The following ADAMTS12 variants were observed in gnomAD, a reference collection of about 807,000 sequenced individuals.
ADAMTS12 encodes the protein ADAM metallopeptidase with thrombospondin type 1 motif 12, also known as A disintegrin and metalloproteinase with thrombospondin motifs 12.
A neutral mutation model predicts 167.8 loss-of-function variants in ADAMTS12; 118 were observed. The ratio of observed to expected loss-of-function variants is 0.70; its 90% CI spans 0.61 to 0.82. The LOEUF (loss-of-function observed/expected upper bound fraction) is 0.82, where lower values mean the gene tolerates loss of function less well. Ranked by LOEUF, ADAMTS12 falls within the 40% of genes least tolerant of loss-of-function variation. ADAMTS12 has a pLI of 0.00. For synonymous variants in ADAMTS12, 704 were observed against 716.9 expected, an observed-to-expected ratio of 0.98 and a Z score of 0.29; for missense variants, 1,916 against 1,998.8, an observed-to-expected ratio of 0.96 and a Z score of 0.79.
chr5:33,555,626 A>C (rs1217100395), intron 20 of ADAMTS12, among the ~76,000 whole-genome samples: 1 of 152,192 alleles, frequency 6.6e-6, no homozygotes, highest in Non-Finnish European at 1.5e-5. Flanking sequence ...GTAGTGTTTC[A>C]TTTCTTTCTG....
At position 33,692,379 on chromosome 5, in the gene ADAMTS12, T is replaced by C. The variant is rs558149617; in HGVS notation, c.635-8324A>G. On this transcript the variant is annotated intron_variant, in intron 3 of 23. Transcript: ENST00000504830. ...CAATAGAAGGAGCCTGGGTTCCTGA[T>C]TGTGGAGATAAAACCTGGGATGTTT... Among the ~76,000 whole-genome samples the C allele has an allele frequency of 5.9e-5, 9 of 152,356 alleles. No homozygotes were observed. The Middle Eastern group carries it at 0.01, about 173-fold the overall frequency.
chr5:33,779,850 T>G (rs371477720), intron 2 of ADAMTS12, among the ~76,000 whole-genome samples: 12 of 152,164 alleles, frequency 7.9e-5, no homozygotes, highest in African/African-American at 2.9e-4. Flanking sequence ...TCAAAGGGTA[T>G]GAAGTTTCAG....
intron 2 of ADAMTS12, among the ~76,000 whole-genome samples, chr5:33,835,949 CTCTCTGTGTGTG>C (rs1366491245): frequency 0.04 from 1,701 of 42,316 alleles, 125 homozygotes; most frequent in African/African-American, 0.11. Flanking sequence ...CTCTCTCTCT[CTCTCTGTGTGTG>C]TGTGTGTGTC....
At chr5:33,698,121 A>ATAGC (rs1196674098) in intron 3 of ADAMTS12, among the ~76,000 whole-genome samples, 1 of 152,248 alleles carries the variant, frequency 6.6e-6, no homozygotes, top group Admixed American at 6.5e-5. Context: ...AGAAGAATGA[A>ATAGC]CGTCTGGCTT....
intron 16 of ADAMTS12, among the ~76,000 whole-genome samples, chr5:33,606,322 C>A (rs1411234150): frequency 3.3e-5 from 5 of 152,132 alleles, no homozygotes; most frequent in African/African-American, 9.7e-5. Context: ...AGAAAGAGAG[C>A]CATGGGACCA....
chr5:33,707,389 A>G (rs1214235849), intron 3 of ADAMTS12, among the ~76,000 whole-genome samples: 2 of 152,218 alleles, frequency 1.3e-5, no homozygotes, highest in East Asian at 3.9e-4. Flanking sequence ...AAAGTAATTT[A>G]TAGATTTAAT....
intron 9 of ADAMTS12, 26 bp downstream of exon 9, chr5:33,648,796 A>C: frequency 6.2e-7 from 1 of 1,613,742 alleles, no homozygotes; most frequent in African/African-American, 1.3e-5. Flanking sequence ...GAAGCCCTGC[A>C]TATAGCCACC....
intron 20 of ADAMTS12, among the ~76,000 whole-genome samples, chr5:33,559,418 A>G (rs569427471): frequency 1.3e-5 from 2 of 152,340 alleles, no homozygotes; most frequent in African/African-American, 4.8e-5. Flanking sequence ...AGAACTGGTT[A>G]AGCCCTAGTC....
At chr5:33,848,728 T>C (rs1428730051) in intron 2 of ADAMTS12, among the ~76,000 whole-genome samples, 2 of 152,134 alleles carry the variant, frequency 1.3e-5, no homozygotes. Flanking sequence ...GCAGAAGTAT[T>C]TTGAGTGTCT....
intron 1 of ADAMTS12, among the ~76,000 whole-genome samples, chr5:33,889,076 G>A (rs752062273): frequency 4.6e-5 from 7 of 152,072 alleles, no homozygotes; most frequent in East Asian, 3.9e-4. Flanking sequence ...TACCCTCCTC[G>A]TGAAGGGGCA....
At chr5:33,598,476 G>A in intron 16 of ADAMTS12, among the ~76,000 whole-genome samples, 1 of 152,158 alleles carries the variant, frequency 6.6e-6, no homozygotes, top group East Asian at 1.9e-4. Flanking sequence ...ACACATCACT[G>A]GGTTTAGTCT....
intron 2 of ADAMTS12, among the ~76,000 whole-genome samples, chr5:33,760,923 G>A (rs913778874): frequency 3.4e-5 from 5 of 145,758 alleles, no homozygotes; most frequent in South Asian, 2.2e-4. Context: ...GTGTGTGTGC[G>A]TATGCGCTTC....
At chr5:33,664,841 A>G (rs996588229) in intron 5 of ADAMTS12, among the ~76,000 whole-genome samples, 5 of 152,192 alleles carry the variant, frequency 3.3e-5, no homozygotes, top group Non-Finnish European at 5.9e-5. Context: ...GATACCTGCC[A>G]TGTTCACTGC....
chr5:33,594,186 A>C (rs1747792823), intron 17 of ADAMTS12, among the ~76,000 whole-genome samples: 1 of 152,154 alleles, frequency 6.6e-6, no homozygotes. Flanking sequence ...AATAAGTCTC[A>C]TGAGATTTGA....
chr5:33,630,465 T>C (rs936028061), intron 13 of ADAMTS12, among the ~76,000 whole-genome samples: 1 of 152,236 alleles, frequency 6.6e-6, no homozygotes, highest in African/African-American at 2.4e-5. Flanking sequence ...TTTTCTCAAA[T>C]TTAATGCCAC....
At chr5:33,887,892 G>A (rs1176306204) in intron 1 of ADAMTS12, among the ~76,000 whole-genome samples, 9 of 151,988 alleles carry the variant, frequency 5.9e-5, no homozygotes, top group Admixed American at 5.9e-4. Context: ...CTACAGGCAT[G>A]CACCACCACG....
chr5:33,616,088 A>C lies in ADAMTS12; in HGVS notation c.2144-16T>G, dbSNP rs988593212. 1 of 1,612,344 alleles carries C rather than the reference A, an allele frequency of 6.2e-7. No individual in the cohort carries two copies. The highest frequency in any genetic ancestry group is 1.7e-4 in the Middle Eastern group (1 of 6,056). Reference sequence around the variant, plus strand: ...TCAACATAACCTAAAGAGAGAAGACACAATCATGAAAGAGGCACGCCAGCT... The same window carrying C: ...TCAACATAACCTAAAGAGAGAAGACCCAATCATGAAAGAGGCACGCCAGCT... On this transcript the variant is annotated splice_polypyrimidine_tract_variant and intron_variant, in intron 14 of 23. Coordinates refer to ENST00000504830, the MANE Select transcript of ADAMTS12 (RefSeq NM_030955.4).
chr5:33,697,197 G>C (rs578039805), intron 3 of ADAMTS12, among the ~76,000 whole-genome samples: 129 of 151,972 alleles, frequency 8.5e-4, no homozygotes, highest in African/African-American at 3.1e-3. Flanking sequence ...AGAAACTGCC[G>C]GGCTCTCTAG....
At chr5:33,693,993 A>G (rs1742654372) in intron 3 of ADAMTS12, among the ~76,000 whole-genome samples, 1 of 152,208 alleles carries the variant, frequency 6.6e-6, no homozygotes, top group African/African-American at 2.4e-5. Flanking sequence ...AAAGTTCAGC[A>G]TTTCTATATA....
Sources: gnomAD v4.1 joint callset for allele counts (sites outside exome capture counted in the v4.1 genomes callset) on GRCh38, gnomAD v4.1.1 for gene constraint, MANE v1.5 for transcripts, NCBI Gene and HGNC (gene_info 2026-07-23, HGNC 2026-07-21) for gene names.